ENTPD1: variants seen among roughly 807,000 people sequenced by gnomAD.
The protein encoded by ENTPD1 is ectonucleoside triphosphate diphosphohydrolase 1.
Under a neutral mutation model 57.0 loss-of-function variants are expected in ENTPD1, and 33 were observed. The observed-to-expected ratio is 0.58, with a 90% CI of 0.44 to 0.77. The LOEUF is 0.77. ENTPD1 is among the 30% of genes least tolerant of loss of function. The pLI, the probability that ENTPD1 is intolerant of heterozygous loss-of-function variation, is 0.00. For synonymous variants in ENTPD1, 202 were observed against 218.8 expected (o/e 0.92, Z 0.68); for missense variants, 501 against 603.4 (o/e 0.83, Z 1.78).
At chr10:95,782,936 T>C (rs2098163704) in intron 1 of ENTPD1, among the ~76,000 whole-genome samples, 1 of 152,086 alleles carries the variant, frequency 6.6e-6, no homozygotes, top group African/African-American at 2.4e-5. Context: ...AAGGCTTGGT[T>C]GAATTTTACA....
At chr10:95,837,747 C>T (rs868435137) in intron 2 of ENTPD1, among the ~76,000 whole-genome samples, 78 of 152,192 alleles carry the variant, frequency 5.1e-4, no homozygotes, top group African/African-American at 1.7e-3. Context: ...AGGGAGGTCT[C>T]TTAAATCCTA....
Position 95,826,563 on chromosome 10 carries a change from C to T in ENTPD1, c.144+3199C>T, listed in dbSNP as rs568081893. Among the ~76,000 whole-genome samples, 9 of 108,118 alleles carry T rather than the reference C, an allele frequency of 8.3e-5. No individual in the cohort carries two copies. In the East Asian group the frequency reaches 1.3e-3, roughly 16 times the overall value. The allele number at this position is 108,118 out of a possible 152,430, so 70.9% of individuals were successfully genotyped here. ...CTCTAGCTTGGGCTACAGAGTGAGA[C>T]GCCAACTCAAAAAAAAAAAAAAAAA... On this transcript the variant is annotated intron_variant, in intron 2 of 9. Coordinates refer to ENST00000371205, the MANE Select transcript of ENTPD1 (RefSeq NM_001776.6).
At chr10:95,839,829 A>C in intron 3 of ENTPD1, 21 bp downstream of exon 3, 1 of 1,612,008 alleles carries the variant, frequency 6.2e-7, no homozygotes, top group Non-Finnish European at 8.5e-7. Context: ...GACCAAGGGA[A>C]GGGGAGGCCA....
intron 1 of ENTPD1, among the ~76,000 whole-genome samples, chr10:95,796,332 C>T (rs1374064409): frequency 2.0e-5 from 3 of 152,066 alleles, no homozygotes; most frequent in Non-Finnish European, 4.4e-5. Context: ...TTTCGTCCAT[C>T]ATTAGAGAAG....
upstream of ENTPD1, chr10:95,711,685 GCATA>G: frequency 2.2e-6 from 1 of 444,992 alleles, no homozygotes; most frequent in Non-Finnish European, 4.2e-6. Context: ...TGGCCCCAAG[GCATA>G]CTCCCTCCTC....
chr10:95,859,472 C>T (rs752000176), intron 7 of ENTPD1, among the ~76,000 whole-genome samples: 4 of 152,196 alleles, frequency 2.6e-5, no homozygotes, highest in Non-Finnish European at 5.9e-5. Flanking sequence ...ATGCCCCCCT[C>T]AAATAATCTC....
chr10:95,863,126 T>G (rs1252621598), intron 8 of ENTPD1, among the ~76,000 whole-genome samples: 1 of 152,188 alleles, frequency 6.6e-6, no homozygotes, highest in East Asian at 1.9e-4. Flanking sequence ...GGCTTCTATA[T>G]TTTTGGCTAC....
chr10:95,782,812 C>T (rs1027548161), intron 1 of ENTPD1, among the ~76,000 whole-genome samples: 4 of 152,058 alleles, frequency 2.6e-5, no homozygotes, highest in African/African-American at 4.8e-5. Flanking sequence ...TCTAAGGCTG[C>T]GTTTTCAGCT....
rs1228654510 is a variant in ENTPD1, at chr10:95,869,628, AAAG to A, written c.*3249_*3251del. ...GTGTGACAAGAAAGAGAAAGAAAAT[AAAG>A]AAGTTTCAATTCATCCAATTCTTAA... On this transcript the variant is annotated 3_prime_UTR_variant, in exon 10 of 10. Coordinates refer to ENST00000371205, the MANE Select transcript of ENTPD1 (RefSeq NM_001776.6). 28 of 985,174 alleles carry A rather than the reference AAAG, an allele frequency of 2.8e-5. No individual in the cohort carries two copies. The highest frequency in any genetic ancestry group is 3.3e-5 in the Non-Finnish European group (27 of 829,824). 61.0% of individuals were successfully genotyped at this position (985,174 alleles called of 1,614,324 possible).
chr10:95,694,810 C>G, the ENTPD1 span, among the ~76,000 whole-genome samples: 1 of 151,766 alleles, frequency 6.6e-6, no homozygotes, highest in East Asian at 1.9e-4. Flanking sequence ...GGAAATGTAC[C>G]GTAGCTGCAC....
intron 1 of ENTPD1, among the ~76,000 whole-genome samples, chr10:95,785,397 A>G (rs2098175362): frequency 6.6e-6 from 1 of 152,224 alleles, no homozygotes; most frequent in African/African-American, 2.4e-5. Context: ...AGTTGGTATT[A>G]GTACTTAATT....
upstream of ENTPD1, among the ~76,000 whole-genome samples, chr10:95,709,540 C>T (rs766573368): frequency 3.3e-5 from 5 of 152,028 alleles, no homozygotes; most frequent in African/African-American, 9.7e-5. Flanking sequence ...CCTGCCACCA[C>T]GCCCGGCTAA....
chr10:95,817,722 TCCTTCCTTTTTA>T (rs1339271340), intron 1 of ENTPD1, among the ~76,000 whole-genome samples: 1 of 152,230 alleles, frequency 6.6e-6, no homozygotes, highest in Non-Finnish European at 1.5e-5. Context: ...AATCACTGCA[TCCTTCCTTTTTA>T]CCTTCCTTGC....
upstream of ENTPD1, among the ~76,000 whole-genome samples, chr10:95,708,288 A>G (rs1159871401): frequency 6.6e-6 from 1 of 151,494 alleles, no homozygotes; most frequent in Admixed American, 6.6e-5. Flanking sequence ...ACCTCGGCTC[A>G]CTACAACCTC....
At chr10:95,799,846 G>A (rs1008795818) in intron 1 of ENTPD1, among the ~76,000 whole-genome samples, 13 of 152,056 alleles carry the variant, frequency 8.5e-5, no homozygotes, top group African/African-American at 3.1e-4. Context: ...GGTGTGAGAT[G>A]GTATCTTATT....
chr10:95,802,640 A>T (rs1292487518), intron 1 of ENTPD1, among the ~76,000 whole-genome samples: 2 of 152,172 alleles, frequency 1.3e-5, no homozygotes, highest in Admixed American at 6.5e-5. Context: ...CCGGTGTGTG[A>T]TGTTCCCCGC....
At chr10:95,698,023 G>T in the ENTPD1 span, among the ~76,000 whole-genome samples, 23 of 152,314 alleles carry the variant, frequency 1.5e-4, no homozygotes, top group African/African-American at 5.3e-4. Context: ...AAAACAAAAA[G>T]ACAAGGGAAC....
intron 1 of ENTPD1, among the ~76,000 whole-genome samples, chr10:95,790,314 T>C (rs1050469955): frequency 2.0e-5 from 3 of 152,224 alleles, no homozygotes; most frequent in Admixed American, 2.0e-4. Flanking sequence ...GAATACACCA[T>C]ATAATACATG....
rs565943984 is a variant in ENTPD1 at position 95,832,566 on chromosome 10, C to A, written c.145-7125C>A. ...TGGCAGTTAGTGGTTGTCAGATATT[C>A]TTTTAGCACAAACATTCCACATTTT... On this transcript the variant is annotated intron_variant, in intron 2 of 9. Transcript: ENST00000371205. 1.1e-4 allele frequency among the ~76,000 whole-genome samples: 17 copies of A among 152,292 alleles called. No homozygotes were observed. In the East Asian group the frequency reaches 1.2e-3, roughly 10 times the overall value.
Sources: gnomAD v4.1 joint callset for allele counts (sites outside exome capture counted in the v4.1 genomes callset) on GRCh38, gnomAD v4.1.1 for gene constraint, MANE v1.5 for transcripts, NCBI Gene and HGNC (gene_info 2026-07-23, HGNC 2026-07-21) for gene names.